Variants in FNDC3B observed in about 807,000 individuals in gnomAD.
The protein encoded by FNDC3B is fibronectin type III domain containing 3B, also known as fibronectin type III domain-containing protein 3B.
In FNDC3B, 12 loss-of-function variants were observed where a neutral mutation model predicts 151.5. That is an observed-to-expected ratio of 0.08 (90% CI 0.05 to 0.13). FNDC3B has a LOEUF of 0.13. Among genes scored for constraint, FNDC3B ranks in the 10% least tolerant of loss-of-function variants. The pLI, the probability that FNDC3B is intolerant of heterozygous loss-of-function variation, is 1.00. For synonymous variants in FNDC3B, 528 were observed against 549.0 expected (o/e 0.96, Z 0.54); for missense variants, 1,214 against 1,505.3 (o/e 0.81, Z 3.20).
rs1238829370 is a variant in FNDC3B at position 172,352,420 on chromosome 3, T to C, written c.2515-383T>C. Among the ~76,000 whole-genome samples, 2 of 152,162 alleles carry C rather than the reference T, an allele frequency of 1.3e-5. No homozygotes were observed. Among genetic ancestry groups the C allele is most frequent in the African/African-American group, 4.8e-5 (2 of 41,430 alleles). ...CAGCTTTGCCTCTAAATCTGAGGCC[T>C]AAGTTATCATCTGACTCTGAGTTCC... is the stretch of plus-strand genomic sequence containing the variant. On this transcript the variant is annotated intron_variant, in intron 21 of 25. Transcript: ENST00000415807. The surrounding 1 kb of genome is among the most constrained non-coding windows in gnomAD (Gnocchi z 4.2).
chr3:172,090,662 T>G (rs935876919), intron 1 of FNDC3B, among the ~76,000 whole-genome samples: 11 of 152,226 alleles, frequency 7.2e-5, no homozygotes, highest in African/African-American at 2.6e-4. Flanking sequence ...TAAATTATTC[T>G]TTACCTTGTG....
intron 12 of FNDC3B, 135 bp downstream of exon 12, chr3:172,329,211 C>G: frequency 1.9e-6 from 2 of 1,058,210 alleles, no homozygotes; most frequent in Non-Finnish European, 2.8e-6. Context: ...AGAGGGAATC[C>G]TAATCAGAGG....
At chr3:172,084,880 A>G (rs1718471450) in intron 1 of FNDC3B, among the ~76,000 whole-genome samples, 2 of 152,180 alleles carry the variant, frequency 1.3e-5, no homozygotes, top group Admixed American at 1.3e-4. Context: ...TATTATGTTC[A>G]TTGTTTCTTT....
intron 25 of FNDC3B, among the ~76,000 whole-genome samples, chr3:172,393,878 G>A (rs1056405316): frequency 2.0e-5 from 3 of 152,090 alleles, no homozygotes; most frequent in Admixed American, 6.5e-5. Context: ...GGAGGCTGAG[G>A]TGAGCAGATC....
intron 23 of FNDC3B, among the ~76,000 whole-genome samples, chr3:172,367,245 A>G (rs1228126051): frequency 6.6e-6 from 1 of 150,722 alleles, no homozygotes; most frequent in African/African-American, 2.4e-5. Flanking sequence ...AGTTCATTTC[A>G]ATGATAAGAT....
chr3:172,347,489 T>TAAATAAA (rs1156793852), intron 21 of FNDC3B, 128 bp downstream of exon 21: 1 of 584,470 alleles, frequency 1.7e-6, no homozygotes, highest in Non-Finnish European at 2.7e-6. Flanking sequence ...AGAGTCCATT[T>TAAATAAA]AAATAAAAAT....
intron 1 of FNDC3B, among the ~76,000 whole-genome samples, chr3:172,081,560 T>C (rs1395198671): frequency 6.6e-6 from 1 of 152,226 alleles, no homozygotes; most frequent in Non-Finnish European, 1.5e-5. Flanking sequence ...AACCTTAAGA[T>C]TAATTCCATA....
chr3:172,288,873 G>GT (rs1730165439), intron 7 of FNDC3B, among the ~76,000 whole-genome samples: 2 of 152,208 alleles, frequency 1.3e-5, no homozygotes. Context: ...GGATGGCAGT[G>GT]TAAGTGTATC....
At chr3:172,222,515 A>G (rs34770855) in intron 3 of FNDC3B, among the ~76,000 whole-genome samples, 25,451 of 152,172 alleles carry the variant, frequency 0.17, 2,686 homozygotes, top group Non-Finnish European at 0.23. Flanking sequence ...TTTTGGCACC[A>G]GGGACCGTTT....
At chr3:172,070,256 T>G (rs1369210349) in intron 1 of FNDC3B, among the ~76,000 whole-genome samples, 2 of 152,198 alleles carry the variant, frequency 1.3e-5, no homozygotes, top group Non-Finnish European at 2.9e-5. Context: ...ACTGCAATTT[T>G]AGATGTTCTG....
intron 6 of FNDC3B, among the ~76,000 whole-genome samples, chr3:172,279,678 A>G (rs1398084842): frequency 1.3e-5 from 2 of 152,196 alleles, no homozygotes; most frequent in Admixed American, 6.5e-5. Context: ...TCCTTATATT[A>G]TGCAAGTTTA....
rs1733381584 is a variant in FNDC3B at position 172,342,571 on chromosome 3, A to G, written c.1972-440A>G. 3.3e-5 allele frequency among the ~76,000 whole-genome samples: 5 copies of G among 152,226 alleles called. No homozygotes were observed. In the South Asian group the frequency reaches 1.0e-3, roughly 32 times the overall value. ...TACCTGCTGGTTGATGTCAGAATCA[A>G]TTGATTAATATTGAGTTTATTTGCT... is the stretch of plus-strand genomic sequence containing the variant. On this transcript the variant is annotated intron_variant, in intron 17 of 25. Transcript: ENST00000415807.
chr3:172,049,563 T>C (rs879390200), intron 1 of FNDC3B, among the ~76,000 whole-genome samples: 1 of 152,188 alleles, frequency 6.6e-6, no homozygotes, highest in Non-Finnish European at 1.5e-5. Context: ...ATTTCGCTCT[T>C]ATTGTCCAGG....
At position 172,122,246 on chromosome 3, in the gene FNDC3B, A is replaced by G. The variant is rs1203789032; in HGVS notation, c.111+9656A>G. Among the ~76,000 whole-genome samples the G allele has an allele frequency of 1.3e-5, 2 of 152,040 alleles. 1 individual carries two copies. Among genetic ancestry groups the G allele is most frequent in the Admixed American group, 1.3e-4 (2 of 15,256 alleles). ...AAGCTGCGTAAAATTCGTAACATTA[A>G]TCTCCAAGTTCCAAATGCAGATACT... On this transcript the variant is annotated intron_variant, in intron 2 of 25. Coordinates refer to ENST00000415807, the MANE Select transcript of FNDC3B (RefSeq NM_022763.4).
chr3:172,184,212 C>CT (rs1340782667), intron 3 of FNDC3B: 1 of 152,220 alleles, frequency 6.6e-6, no homozygotes, highest in African/African-American at 2.4e-5. Context: ...TCTGCTGCTT[C>CT]TTGTACCCTT....
At chr3:172,085,821 C>T (rs1718523319) in intron 1 of FNDC3B, among the ~76,000 whole-genome samples, 2 of 152,126 alleles carry the variant, frequency 1.3e-5, no homozygotes, top group Admixed American at 6.5e-5. Flanking sequence ...AAAGTGCTTC[C>T]TTTGTTGAAC....
intron 11 of FNDC3B, among the ~76,000 whole-genome samples, chr3:172,311,475 T>C (rs1306480234): frequency 6.6e-6 from 1 of 152,124 alleles, no homozygotes; most frequent in Non-Finnish European, 1.5e-5. Flanking sequence ...AAAGCCACTG[T>C]GTGCCAACTG....
At chr3:172,242,582 A>T (rs576500937) in intron 4 of FNDC3B, among the ~76,000 whole-genome samples, 1 of 152,270 alleles carries the variant, frequency 6.6e-6, no homozygotes, top group African/African-American at 2.4e-5. Flanking sequence ...GGCCCCTTTC[A>T]GTCATGACTG....
Position 172,381,013 on chromosome 3 carries a change from G to A in FNDC3B, c.3223G>A (p.Glu1075Lys), listed in dbSNP as rs1272265000. The change falls in exon 25 of 26, where the codon GAG (glutamate) becomes AAG (lysine). Residue 1075 changes from glutamate (E) to lysine (K), a missense_variant. Transcript: ENST00000415807. ...AGGAAATTCATGTGAAATTTTATGG[G>A]AGACGGTACCATCAATGAAAGGTGA... ...LEGNSCEILW[E>K]TVPSMKGDPV... is the part of the protein sequence containing the mutation. 6.2e-7 allele frequency: 1 copy of A among 1,613,638 alleles called. No individual in the cohort carries two copies. The highest frequency in any genetic ancestry group is 8.5e-7 in the Non-Finnish European group (1 of 1,179,678).
Sources: gnomAD v4.1 joint callset for allele counts (sites outside exome capture counted in the v4.1 genomes callset) on GRCh38, gnomAD v4.1.1 for gene constraint, Gnocchi (gnomAD v3.1) non-coding constraint, MANE v1.5 for transcripts, NCBI Gene and HGNC (gene_info 2026-07-23, HGNC 2026-07-21) for gene names.